CELSR1: variants seen among roughly 807,000 people sequenced by gnomAD.
The protein encoded by CELSR1 is adhesion G protein-coupled receptor C1.
CELSR1 carries 110 observed loss-of-function variants against 249.1 expected under a neutral mutation model. The observed-to-expected ratio is 0.44, with a 90% CI of 0.38 to 0.52. CELSR1 has a LOEUF of 0.52. CELSR1 is among the 20% of genes least tolerant of loss of function. The pLI, the probability that CELSR1 is intolerant of heterozygous loss-of-function variation, is 0.00. For missense variants in CELSR1, 4,109 were observed against 4,296.4 expected (o/e 0.96, Z 1.22); for synonymous variants, 2,113 against 1,900.0 (o/e 1.11, Z -2.92).
In CELSR1 at chr22:46,517,745, G is replaced by C. The variant is rs1204931832; in HGVS notation, c.3544+15882C>G. On this transcript the variant is annotated intron_variant, in intron 1 of 34. Coordinates refer to ENST00000674500, the MANE Select transcript of CELSR1 (RefSeq NM_001378328.1). This position sits in a 1 kb window ranked among gnomAD's most constrained non-coding sequence, Gnocchi z 5.4. ...GCGATTATGTGTTAGAATTTTCCAT[G>C]CTTAGAAGCGAGGGCTGCATTGAAG... Among the ~76,000 whole-genome samples the C allele has an allele frequency of 6.6e-6, 1 of 152,160 alleles. No homozygotes were observed. Among genetic ancestry groups the C allele is most frequent in the South Asian group, 2.1e-4 (1 of 4,834 alleles).
At chr22:46,456,397 C>T (rs560012760) in intron 2 of CELSR1, among the ~76,000 whole-genome samples, 8 of 152,268 alleles carry the variant, frequency 5.3e-5, no homozygotes, top group South Asian at 2.1e-4. Flanking sequence ...CGGTGGCTCA[C>T]GCCTGTAATC....
chr22:46,482,249 C>A (rs1306319434), intron 1 of CELSR1, among the ~76,000 whole-genome samples: 1 of 152,206 alleles, frequency 6.6e-6, no homozygotes, highest in Admixed American at 6.5e-5. Flanking sequence ...CCTGGAGGAT[C>A]TGGGTGGCCA....
At chr22:46,476,422 C>A (rs901748826) in intron 1 of CELSR1, among the ~76,000 whole-genome samples, 18 of 151,924 alleles carry the variant, frequency 1.2e-4, no homozygotes, top group Admixed American at 6.6e-4. Flanking sequence ...ATGGTGAAAC[C>A]CCATCTCTAC....
chr22:46,494,478 G>A (rs1356342746), intron 1 of CELSR1, among the ~76,000 whole-genome samples: 1 of 151,958 alleles, frequency 6.6e-6, no homozygotes, highest in Non-Finnish European at 1.5e-5. Flanking sequence ...ACATTGTTAA[G>A]CCCTCCATTT....
Position 46,411,560 on chromosome 22 carries a change from G to A in CELSR1, c.4769+42C>T. ...GGAAGGCCGCAGGGTGAGCATGTTT[G>A]GGGGTACGGACCCCCAGGGCCTCCC... On this transcript the variant is annotated intron_variant, in intron 6 of 34. Coordinates refer to ENST00000674500, the MANE Select transcript of CELSR1 (RefSeq NM_001378328.1). This position sits in a 1 kb window ranked among gnomAD's most constrained non-coding sequence, Gnocchi z 4.2. 2 of 1,610,506 alleles carry A rather than the reference G, an allele frequency of 1.2e-6. No individual in the cohort carries two copies. Among genetic ancestry groups the A allele is most frequent in the South Asian group, 1.1e-5 (1 of 90,856 alleles).
chr22:46,378,841 G>T, intron 22 of CELSR1, 124 bp from the exon 23 acceptor site: 2 of 1,263,790 alleles, frequency 1.6e-6, no homozygotes, highest in Non-Finnish European at 2.2e-6. Context: ...AACAGCAGGT[G>T]CCGTGAGTGC....
At chr22:46,481,010 G>A (rs2147662190) in intron 1 of CELSR1, among the ~76,000 whole-genome samples, 1 of 152,274 alleles carries the variant, frequency 6.6e-6, no homozygotes, top group East Asian at 1.9e-4. Context: ...GCTGAGGCGG[G>A]TGGATCACAA....
rs1047844011 is a variant in CELSR1 at position 46,366,606 on chromosome 22, C to G, written c.8206-126G>C. On this transcript the variant is annotated intron_variant, in intron 29 of 34. Coordinates refer to ENST00000674500, the MANE Select transcript of CELSR1 (RefSeq NM_001378328.1). ...CCTGGCTGGGCCCCTGCCTGGCACA[C>G]AGGAGGAGCTGGCCCCAAGCAGTCA... 5.2e-6 allele frequency: 4 copies of G among 771,744 alleles called. No individual in the cohort carries two copies. In the African/African-American group the frequency reaches 6.9e-5, roughly 13 times the overall value. The allele number at this position is 771,744 out of a possible 1,614,324, so 47.8% of individuals were successfully genotyped here. A position where few individuals can be genotyped will look rare whatever the true frequency, so the allele number is the denominator to read the frequency against.
In CELSR1 at chr22:46,445,069, G is replaced by A. The variant is rs528055462; in HGVS notation, c.4184-5658C>T. ...AAAATTAACCGGCGTGGTGGCAAGC[G>A]CCTGTAATCCCAGCTACTTGGGAGG... is the stretch of plus-strand genomic sequence containing the variant. On this transcript the variant is annotated intron_variant, in intron 2 of 34. Coordinates refer to ENST00000674500, the MANE Select transcript of CELSR1 (RefSeq NM_001378328.1). The surrounding 1 kb of genome is among the most constrained non-coding windows in gnomAD (Gnocchi z 4.4). 8.5e-4 allele frequency among the ~76,000 whole-genome samples: 130 copies of A among 152,276 alleles called. No individual in the cohort carries two copies. Among genetic ancestry groups the A allele is most frequent in the African/African-American group, 3.1e-3 (127 of 41,546 alleles).
Position 46,437,750 on chromosome 22 carries a change from C to T in CELSR1, c.4406+1439G>A, listed in dbSNP as rs1177707456. Among the ~76,000 whole-genome samples the T allele has an allele frequency of 7.0e-6, 1 of 143,702 alleles. No individual in the cohort carries two copies. The highest frequency in any genetic ancestry group is 1.5e-5 in the Non-Finnish European group (1 of 67,322). The allele number at this position is 143,702 out of a possible 152,430, so 94.3% of individuals were successfully genotyped here. On this transcript the variant is annotated intron_variant, in intron 3 of 34. Transcript: ENST00000674500. The surrounding 1 kb of genome is among the most constrained non-coding windows in gnomAD (Gnocchi z 4.9). ...GCCTGGCAACAAAGCAAGACTCCGTCTCAAAAAAAAAAAAAAAACTGATGG... is the reference window on the plus strand; with the variant it reads ...GCCTGGCAACAAAGCAAGACTCCGTTTCAAAAAAAAAAAAAAAACTGATGG...
Position 46,423,335 on chromosome 22 carries a change from G to A in CELSR1, c.4611+10058C>T, listed in dbSNP as rs9615367. Among the ~76,000 whole-genome samples, 4,590 of 152,180 alleles carry A rather than the reference G, an allele frequency of 0.03. 102 individuals carry two copies. Among genetic ancestry groups the A allele is most frequent in the Non-Finnish European group, 0.043 (2,899 of 67,990 alleles). On this transcript the variant is annotated intron_variant, in intron 5 of 34. Transcript: ENST00000674500. The surrounding 1 kb of genome is among the most constrained non-coding windows in gnomAD (Gnocchi z 5.6). Reference sequence around the variant, plus strand: ...GATCAAGACTCCATGCTGGCCAGGCGCGGTGGCTCACGCCTGTAATCCCAG... The same window carrying A: ...GATCAAGACTCCATGCTGGCCAGGCACGGTGGCTCACGCCTGTAATCCCAG...
intron 1 of CELSR1, among the ~76,000 whole-genome samples, chr22:46,504,668 T>C (rs1239824187): frequency 6.6e-6 from 1 of 152,214 alleles, no homozygotes; most frequent in East Asian, 1.9e-4. Flanking sequence ...GATGAAAATA[T>C]GGCAGATTTC....
intron 1 of CELSR1, among the ~76,000 whole-genome samples, chr22:46,489,626 T>C (rs908048068): frequency 5.9e-5 from 9 of 151,924 alleles, no homozygotes; most frequent in African/African-American, 9.7e-5. Context: ...AAAACGCCCA[T>C]CTTTGGCCGT....
chr22:46,462,560 C>A (rs904792682), intron 2 of CELSR1, among the ~76,000 whole-genome samples: 7 of 151,176 alleles, frequency 4.6e-5, no homozygotes, highest in African/African-American at 1.7e-4. Flanking sequence ...TTATATTAAA[C>A]AGATTAATCG....
At position 46,366,893 on chromosome 22, in the gene CELSR1, C is replaced by T. The variant is rs555928244; in HGVS notation, c.8205+100G>A. ...GCTCTGCCATCCCCACCGTGAGGGGCATACGGGCCGCAGGACTGGGGCTGA... is the reference window on the plus strand; with the variant it reads ...GCTCTGCCATCCCCACCGTGAGGGGTATACGGGCCGCAGGACTGGGGCTGA... On this transcript the variant is annotated intron_variant, in intron 29 of 34. Transcript: ENST00000674500. The T allele has an allele frequency of 1.1e-4, 165 of 1,452,208 alleles. No homozygotes were observed. In the African/African-American group the frequency reaches 2.0e-3, roughly 18 times the overall value. 90.0% of individuals were successfully genotyped at this position (1,452,208 alleles called of 1,614,324 possible). A position where few individuals can be genotyped will look rare whatever the true frequency, so the allele number is the denominator to read the frequency against.
chr22:46,475,328 T>G (rs1004336380), intron 1 of CELSR1, among the ~76,000 whole-genome samples: 2 of 151,984 alleles, frequency 1.3e-5, no homozygotes, highest in Non-Finnish European at 1.5e-5. Context: ...ACAACACAGA[T>G]GAGCCTTGAA....
intron 1 of CELSR1, among the ~76,000 whole-genome samples, chr22:46,469,511 TTG>T (rs1569186287): frequency 5.3e-5 from 8 of 150,694 alleles, no homozygotes; most frequent in Non-Finnish European, 1.0e-4. Flanking sequence ...TGTTTTGTTG[TTG>T]TTTGTTTGTT....
chr22:46,521,333 G>A (rs947932500), intron 1 of CELSR1, among the ~76,000 whole-genome samples: 3 of 151,944 alleles, frequency 2.0e-5, no homozygotes, highest in African/African-American at 4.8e-5. Context: ...GTGAAATCCC[G>A]TCTCTACTAA....
intron 4 of CELSR1, among the ~76,000 whole-genome samples, chr22:46,435,859 C>T (rs1470272004): frequency 6.6e-6 from 1 of 152,158 alleles, no homozygotes; most frequent in Non-Finnish European, 1.5e-5. Context: ...CACCACCACG[C>T]CCAGCTAATT....
Sources: gnomAD v4.1 joint callset for allele counts (sites outside exome capture counted in the v4.1 genomes callset) on GRCh38, gnomAD v4.1.1 for gene constraint, Gnocchi (gnomAD v3.1) non-coding constraint, MANE v1.5 for transcripts, NCBI Gene and HGNC (gene_info 2026-07-23, HGNC 2026-07-21) for gene names.